Variants in BAZ2B observed in about 807,000 individuals in gnomAD.
BAZ2B encodes the protein bromodomain adjacent to zinc finger domain protein 2B.
A neutral mutation model predicts 246.0 loss-of-function variants in BAZ2B; 91 were observed. The observed-to-expected ratio is 0.37, with a 90% CI of 0.31 to 0.44. The LOEUF is 0.44. BAZ2B is among the 20% of genes least tolerant of loss of function. The probability of loss-of-function intolerance (pLI) is 1.00; values close to 1 mark genes in which losing one functional copy is unlikely to be tolerated. For missense variants in BAZ2B, 2,332 were observed against 2,533.7 expected (o/e 0.92, Z 1.71); for synonymous variants, 855 against 860.0 (o/e 0.99, Z 0.10).
chr2:159,636,469 G>C, the BAZ2B span, among the ~76,000 whole-genome samples: 2 of 152,138 alleles, frequency 1.3e-5, no homozygotes, highest in East Asian at 1.9e-4. Flanking sequence ...ATGCATGGAG[G>C]GGGCTTTTGG....
intron 16 of BAZ2B, among the ~76,000 whole-genome samples, chr2:159,404,098 A>G (rs995953988): frequency 6.6e-6 from 1 of 152,266 alleles, no homozygotes; most frequent in South Asian, 2.1e-4. Flanking sequence ...TTTCATTCTC[A>G]GAAATAACTA....
intron 2 of BAZ2B, 44 bp from the exon 3 acceptor site, chr2:159,478,765 T>A (rs1382146868): frequency 1.4e-6 from 2 of 1,385,124 alleles, no homozygotes; most frequent in Non-Finnish European, 9.4e-7. Flanking sequence ...AGATAAAAAA[T>A]TTTTTCAAAA....
the BAZ2B span, among the ~76,000 whole-genome samples, chr2:159,708,946 T>C: frequency 1.3e-5 from 2 of 152,202 alleles, no homozygotes; most frequent in Non-Finnish European, 2.9e-5. Flanking sequence ...ATTTTTTGGA[T>C]GTTCATTTAC....
At chr2:159,519,747 A>G (rs1023240944) in intron 2 of BAZ2B, among the ~76,000 whole-genome samples, 1 of 128,518 alleles carries the variant, frequency 7.8e-6, no homozygotes, top group African/African-American at 3.0e-5. Flanking sequence ...ATCTCGGCTC[A>G]CTGCAAGCTC....
At chr2:159,612,368 C>A (rs1694894793) in intron 1 of BAZ2B, among the ~76,000 whole-genome samples, 2 of 152,028 alleles carry the variant, frequency 1.3e-5, no homozygotes. Context: ...AAATACCTAA[C>A]TAGGTAACTT....
chr2:159,317,581 T>C (rs2062244187), downstream of BAZ2B, among the ~76,000 whole-genome samples: 1 of 152,224 alleles, frequency 6.6e-6, no homozygotes, highest in African/African-American at 2.4e-5. Flanking sequence ...TTATCCTTGG[T>C]TGGTCACCAC....
At chr2:159,647,363 C>G in the BAZ2B span, among the ~76,000 whole-genome samples, 1 of 152,162 alleles carries the variant, frequency 6.6e-6, no homozygotes, top group Non-Finnish European at 1.5e-5. Flanking sequence ...AGTCTCCCAG[C>G]TCAATAGTTA....
At chr2:159,577,546 A>G (rs1479694839) in intron 1 of BAZ2B, among the ~76,000 whole-genome samples, 3 of 152,214 alleles carry the variant, frequency 2.0e-5, no homozygotes, top group Non-Finnish European at 4.4e-5. Flanking sequence ...TCTTGGTCCA[A>G]TGATTGTTTT....
rs771694664 is a variant in BAZ2B, at chr2:159,385,181, T to C, written c.3660A>G (p.Glu1220=). The change falls in exon 23 of 37, where the codon GAA becomes GAG. Residue 1220 remains glutamate, a synonymous_variant. Transcript: ENST00000392783. ...KASVLAFLIN[E]LACSKSVVSE... ...TGACCACACTCTTGCTGCATGCCAGTTCATTGATCAGGAAAGCCAGGACTG... is the reference window on the plus strand; with the variant it reads ...TGACCACACTCTTGCTGCATGCCAGCTCATTGATCAGGAAAGCCAGGACTG... 3.7e-6 allele frequency: 6 copies of C among 1,613,334 alleles called. No individual in the cohort carries two copies. The African/African-American group carries it at 6.7e-5, about 18-fold the overall frequency.
the BAZ2B span, among the ~76,000 whole-genome samples, chr2:159,637,521 G>C: frequency 6.6e-6 from 1 of 152,210 alleles, no homozygotes; most frequent in African/African-American, 2.4e-5. Flanking sequence ...TTGAGTGCTA[G>C]CTTAGCCATA....
chr2:159,357,662 G>A (rs550512228), intron 27 of BAZ2B, among the ~76,000 whole-genome samples: 10 of 152,140 alleles, frequency 6.6e-5, no homozygotes, highest in African/African-American at 1.2e-4. Flanking sequence ...ACACACAATC[G>A]TCAGATTCAC....
the BAZ2B span, among the ~76,000 whole-genome samples, chr2:159,627,818 G>C: frequency 6.6e-6 from 1 of 152,112 alleles, no homozygotes; most frequent in Non-Finnish European, 1.5e-5. Flanking sequence ...GTTCTGGCCA[G>C]GGCAATCAGG....
intron 35 of BAZ2B, 79 bp from the exon 36 acceptor site, chr2:159,325,033 TATATATATA>T (rs1558940153): frequency 5.8e-3 from 21 of 3,600 alleles, no homozygotes; most frequent in Admixed American, 0.015. Flanking sequence ...TTTCAGTTAT[TATATATATA>T]TTATATATAT....
At chr2:159,408,886 T>G (rs1325337583) in intron 14 of BAZ2B, among the ~76,000 whole-genome samples, 2 of 151,928 alleles carry the variant, frequency 1.3e-5, no homozygotes, top group Non-Finnish European at 2.9e-5. Flanking sequence ...GCCATTGCAC[T>G]TCAGCCTGGG....
chr2:159,661,593 A>C, the BAZ2B span, among the ~76,000 whole-genome samples: 1 of 152,186 alleles, frequency 6.6e-6, no homozygotes, highest in African/African-American at 2.4e-5. Flanking sequence ...TAACCATGTC[A>C]AAACCCAGTG....
In BAZ2B at chr2:159,428,514, A is replaced by T. The variant is rs1331114788; in HGVS notation, c.2256-95T>A. On this transcript the variant is annotated intron_variant, in intron 11 of 36. Coordinates refer to ENST00000392783, the MANE Select transcript of BAZ2B (RefSeq NM_013450.4). ...TTAAAGTATACATGTTCTCTAGAAA[A>T]CATAAAAAATGAAAACAAAAATAAA... 1.1e-5 allele frequency: 9 copies of T among 853,512 alleles called. No homozygotes were observed. In the East Asian group the frequency reaches 2.5e-4, roughly 24 times the overall value. 52.9% of individuals were successfully genotyped at this position (853,512 alleles called of 1,614,324 possible).
At position 159,574,726 on chromosome 2, in the gene BAZ2B, C is replaced by A. The variant is rs562025269; in HGVS notation, c.-45-18861G>T. On this transcript the variant is annotated intron_variant, in intron 1 of 36. Coordinates refer to ENST00000392783, the MANE Select transcript of BAZ2B (RefSeq NM_013450.4). ...GAAGGCTGGGCGCGGTGGCTCACGCCTGTAATCCCGGCACTTTGGGAGGCT... is the reference window on the plus strand; with the variant it reads ...GAAGGCTGGGCGCGGTGGCTCACGCATGTAATCCCGGCACTTTGGGAGGCT... Among the ~76,000 whole-genome samples the A allele has an allele frequency of 7.9e-5, 12 of 152,228 alleles. No individual in the cohort carries two copies. In the South Asian group the frequency reaches 1.7e-3, roughly 21 times the overall value.
Position 159,438,538 on chromosome 2 carries a change from T to G in BAZ2B, c.1058A>C (p.Gln353Pro). Residue 353 changes from glutamine (Q) to proline (P), a missense_variant, in exon 8 of 37, where the codon CAG becomes CCG. Physicochemically the swap from Gln to Pro is moderately conservative, Grantham distance 76 (BLOSUM62 -1). Around this residue, in one of 9 missense-constraint regions of BAZ2B, gnomAD observed 161 missense variants for 225.8 expected, o/e 0.71. Coordinates refer to ENST00000392783, the MANE Select transcript of BAZ2B (RefSeq NM_013450.4). Reference protein sequence around the residue: ...QQKQPQVLSQQLPFIFQSSQA... With the variant: ...QQKQPQVLSQPLPFIFQSSQA... ...AGAGCTTTGGAAAATAAATGGAAGC[T>G]GCTGTGACAAAACCTGAGGCTGCTT... 1 of 1,614,164 alleles carries G rather than the reference T, an allele frequency of 6.2e-7. No individual in the cohort carries two copies. Among genetic ancestry groups the G allele is most frequent in the Non-Finnish European group, 8.5e-7 (1 of 1,180,008 alleles).
chr2:159,436,760 A>G (rs1309602469), intron 8 of BAZ2B, among the ~76,000 whole-genome samples: 1 of 152,152 alleles, frequency 6.6e-6, no homozygotes, highest in Non-Finnish European at 1.5e-5. Flanking sequence ...CAAAAAAAAG[A>G]AAAAGAAAAA....
Sources: gnomAD v4.1 joint callset for allele counts (sites outside exome capture counted in the v4.1 genomes callset) on GRCh38, gnomAD v4.1.1 for gene constraint, gnomAD v4.1.1 regional missense constraint, MANE v1.5 for transcripts, NCBI Gene and HGNC (gene_info 2026-07-23, HGNC 2026-07-21) for gene names.